CNTLN: variants seen among roughly 807,000 people sequenced by gnomAD.
CNTLN encodes centlein, also known as centlein, centrosomal protein.
CNTLN carries 212 observed loss-of-function variants against 180.0 expected under a neutral mutation model. The observed-to-expected ratio is 1.18, with a 90% CI of 1.05 to 1.32. CNTLN has a LOEUF of 1.32. Among genes scored for constraint, CNTLN ranks in the 40% most tolerant of loss-of-function variants. The pLI, the probability that CNTLN is intolerant of heterozygous loss-of-function variation, is 0.00. For synonymous variants in CNTLN, 722 were observed against 563.1 expected (o/e 1.28, Z -3.99); for missense variants, 2,095 against 1,610.9 (o/e 1.30, Z -5.14).
intron 6 of CNTLN, among the ~76,000 whole-genome samples, chr9:17,295,325 C>T (rs1358380890): frequency 1.3e-5 from 2 of 152,182 alleles, no homozygotes; most frequent in African/African-American, 4.8e-5. Flanking sequence ...CCAGAGTGGG[C>T]GCCGAGGCCA....
chr9:17,158,052 T>C (rs1366705557), intron 2 of CNTLN, among the ~76,000 whole-genome samples: 1 of 152,226 alleles, frequency 6.6e-6, no homozygotes, highest in Non-Finnish European at 1.5e-5. Context: ...AGCTCATTTA[T>C]GTATATGAAA....
intron 14 of CNTLN, 73 bp from the exon 15 acceptor site, chr9:17,394,461 A>G: frequency 9.4e-7 from 1 of 1,061,658 alleles, no homozygotes; most frequent in Non-Finnish European, 1.3e-6. Context: ...TTTATTTCAT[A>G]AGTTAGAAAT....
At chr9:17,204,070 A>T (rs1005647828) in intron 2 of CNTLN, among the ~76,000 whole-genome samples, 1 of 152,150 alleles carries the variant, frequency 6.6e-6, no homozygotes, top group African/African-American at 2.4e-5. Context: ...GTAACCTTTT[A>T]TCCACGTTCT....
intron 5 of CNTLN, among the ~76,000 whole-genome samples, chr9:17,266,457 A>G (rs71504850): frequency 3.0e-4 from 46 of 152,218 alleles, no homozygotes; most frequent in Admixed American, 7.9e-4. Context: ...TTTGCTTCCC[A>G]GTATGTGGTC....
At chr9:17,506,612 GC>G (rs1833936624), downstream of CNTLN, among the ~76,000 whole-genome samples, 1 of 152,074 alleles carries the variant, frequency 6.6e-6, no homozygotes, top group Non-Finnish European at 1.5e-5. Context: ...TCCATATTAT[GC>G]AGGATTCTTC....
At chr9:17,186,286 C>T (rs1482617575) in intron 2 of CNTLN, among the ~76,000 whole-genome samples, 1 of 152,000 alleles carries the variant, frequency 6.6e-6, no homozygotes, top group Non-Finnish European at 1.5e-5. Flanking sequence ...AGTGTCTGTT[C>T]AGTGCTTTTT....
intron 25 of CNTLN, 180 bp downstream of exon 25, chr9:17,487,246 A>G (rs1036625394): frequency 1.7e-6 from 1 of 591,580 alleles, no homozygotes; most frequent in Middle Eastern, 2.8e-4. Context: ...GGACTTAACA[A>G]ATGAAACAAA....
intron 6 of CNTLN, among the ~76,000 whole-genome samples, chr9:17,287,958 G>C (rs1189582047): frequency 6.9e-6 from 1 of 143,938 alleles, no homozygotes; most frequent in African/African-American, 2.8e-5. Flanking sequence ...CAAAAAACCA[G>C]CTCCTGGATT....
At chr9:17,286,594 G>A (rs1828995758) in intron 6 of CNTLN, among the ~76,000 whole-genome samples, 1 of 138,910 alleles carries the variant, frequency 7.2e-6, no homozygotes, top group Non-Finnish European at 1.5e-5. Context: ...AATTACCTTG[G>A]GCAGTATGGC....
chr9:17,301,364 A>T, intron 7 of CNTLN: 1 of 985,386 alleles, frequency 1.0e-6, no homozygotes, highest in Non-Finnish European at 1.2e-6. Context: ...AGAGATGTAA[A>T]TGATGGGGTT....
chr9:17,409,350 C>T lies in CNTLN; in HGVS notation c.2673C>T (p.Ser891=), dbSNP rs373814354. The T allele has an allele frequency of 8.7e-6, 14 of 1,613,000 alleles. No individual in the cohort carries two copies. The highest frequency in any genetic ancestry group is 1.3e-5 in the African/African-American group (1 of 74,784). ...QTLGTIIVET[S]QKISPTEDGK... ...TGGGAACAATTATTGTAGAAACATC[C>T]CAGAAAATAAGTCCTACGGAAGATG... Residue 891 remains serine, a synonymous_variant, in exon 16 of 26, where the codon TCC becomes TCT. Coordinates refer to ENST00000380647, the MANE Select transcript of CNTLN (RefSeq NM_017738.4).
chr9:17,347,910 C>T (rs995829629), intron 12 of CNTLN, among the ~76,000 whole-genome samples: 1 of 152,030 alleles, frequency 6.6e-6, no homozygotes. Flanking sequence ...TGGCTCACTG[C>T]AACCCCTGCC....
At chr9:17,164,685 G>T (rs1192560966) in intron 2 of CNTLN, among the ~76,000 whole-genome samples, 1 of 151,344 alleles carries the variant, frequency 6.6e-6, no homozygotes, top group Non-Finnish European at 1.5e-5. Flanking sequence ...GACCTCAGGT[G>T]ATCTGCCTGC....
intron 8 of CNTLN, among the ~76,000 whole-genome samples, chr9:17,323,970 G>A (rs1050949846): frequency 2.0e-5 from 3 of 152,128 alleles, no homozygotes; most frequent in Admixed American, 1.3e-4. Flanking sequence ...CACAGGTGGC[G>A]TAGCTTTCTT....
chr9:17,179,657 G>T (rs920246892), intron 2 of CNTLN, among the ~76,000 whole-genome samples: 4 of 152,148 alleles, frequency 2.6e-5, no homozygotes, highest in African/African-American at 9.7e-5. Context: ...TTGGTGGATT[G>T]TTCCATAAAT....
At chr9:17,147,648 G>C (rs970765764) in intron 2 of CNTLN, among the ~76,000 whole-genome samples, 1 of 152,076 alleles carries the variant, frequency 6.6e-6, no homozygotes, top group Non-Finnish European at 1.5e-5. Context: ...TGCTGATAAG[G>C]ATTTATTTAA....
intron 8 of CNTLN, among the ~76,000 whole-genome samples, chr9:17,311,220 T>A (rs1819109992): frequency 6.6e-6 from 1 of 151,868 alleles, no homozygotes; most frequent in Non-Finnish European, 1.5e-5. Context: ...AGACGGGGTT[T>A]CACCATGTTG....
At chr9:17,398,650 T>C (rs993093391) in intron 15 of CNTLN, among the ~76,000 whole-genome samples, 1 of 152,182 alleles carries the variant, frequency 6.6e-6, no homozygotes, top group African/African-American at 2.4e-5. Context: ...GGAGTTTCAT[T>C]AAGTTGTTTC....
intron 5 of CNTLN, among the ~76,000 whole-genome samples, chr9:17,243,113 G>C (rs1372199881): frequency 6.6e-6 from 1 of 152,084 alleles, no homozygotes; most frequent in African/African-American, 2.4e-5. Flanking sequence ...GAATTTATTA[G>C]CATATAGTTG....
Sources: allele counts gnomAD v4.1 joint callset (sites outside exome capture counted in the v4.1 genomes callset), GRCh38; gene constraint gnomAD v4.1.1; transcripts MANE v1.5; gene names NCBI Gene and HGNC (gene_info 2026-07-23, HGNC 2026-07-21).